ATXN7: variants seen among roughly 807,000 people sequenced by gnomAD.
ATXN7 encodes ataxin 7, also known as ataxin-7.
ATXN7 carries 12 observed loss-of-function variants against 70.5 expected under a neutral mutation model. The ratio of observed to expected loss-of-function variants is 0.17; its 90% CI spans 0.11 to 0.28. ATXN7 has a LOEUF of 0.28. ATXN7 is among the 10% of genes least tolerant of loss of function. The probability of loss-of-function intolerance (pLI) is 1.00; values close to 1 mark genes in which losing one functional copy is unlikely to be tolerated. For missense variants in ATXN7, 1,256 were observed against 1,131.7 expected (o/e 1.11, Z -1.58); for synonymous variants, 498 against 448.7 (o/e 1.11, Z -1.39).
chr3:63,999,716 T>A lies in ATXN7; in HGVS notation c.*249T>A. ...CGAATTGCTTTTATCAGTGTTAAAG[T>A]GGTCTGAACTGCTTGCTACCAATCT... On this transcript the variant is annotated 3_prime_UTR_variant, in exon 13 of 13. Coordinates refer to ENST00000674280, the MANE Select transcript of ATXN7 (RefSeq NM_001377405.1). 1 of 644,762 alleles carries A rather than the reference T, an allele frequency of 1.6e-6. No homozygotes were observed. The highest frequency in any genetic ancestry group is 2.7e-6 in the Non-Finnish European group (1 of 369,634). The allele number at this position is 644,762 out of a possible 1,614,324, so 39.9% of individuals were successfully genotyped here.
chr3:63,872,712 CAT>C (rs1389806858), intron 1 of ATXN7, among the ~76,000 whole-genome samples: 2 of 152,244 alleles, frequency 1.3e-5, no homozygotes, highest in African/African-American at 2.4e-5. Flanking sequence ...CAGCCATCAA[CAT>C]ATGTGCCAAC....
At chr3:63,886,367 A>G (rs1703086650) in intron 1 of ATXN7, among the ~76,000 whole-genome samples, 2 of 152,214 alleles carry the variant, frequency 1.3e-5, no homozygotes, top group Non-Finnish European at 2.9e-5. Flanking sequence ...ATAATACTGT[A>G]TACTTGAAAA....
At chr3:63,871,605 A>C (rs1176928708) in intron 1 of ATXN7, among the ~76,000 whole-genome samples, 7 of 152,184 alleles carry the variant, frequency 4.6e-5, no homozygotes, top group Non-Finnish European at 2.9e-5. Flanking sequence ...ATTAGGGCCT[A>C]TCCATGTAGT....
chr3:63,913,069 A>G, intron 3 of ATXN7, 88 bp from the exon 4 acceptor site: 9 of 1,458,178 alleles, frequency 6.2e-6, no homozygotes, highest in Non-Finnish European at 7.6e-6. Context: ...GGAGGTGCCC[A>G]CACCTACCCC....
intron 5 of ATXN7, among the ~76,000 whole-genome samples, chr3:63,968,177 A>C (rs1254721347): frequency 1.3e-5 from 2 of 152,034 alleles, no homozygotes; most frequent in African/African-American, 4.8e-5. Context: ...CAAGTAGTGG[A>C]GGGAGGGAGC....
At position 63,996,215 on chromosome 3, in the gene ATXN7, G is replaced by A; in HGVS notation, c.2393G>A (p.Ser798Asn). 6.2e-7 allele frequency: 1 copy of A among 1,614,218 alleles called. No individual in the cohort carries two copies. The highest frequency in any genetic ancestry group is 8.5e-7 in the Non-Finnish European group (1 of 1,180,046). The change falls in exon 12 of 13, where the codon AGT (serine) becomes AAT (asparagine). Residue 798 changes from serine to asparagine, a missense_variant. Ser to Asn is a conservative substitution (Grantham distance 46, BLOSUM62 1). Transcript: ENST00000674280. ...IKRMSVMVNSSDSTLSLGPFI... is the reference protein window; with the variant it reads ...IKRMSVMVNSNDSTLSLGPFI... ...AGGATGAGTGTGATGGTGAACAGCA[G>A]TGATTCTACTCTTTCTCTTGGGCCA... is the stretch of plus-strand genomic sequence containing the variant.
At chr3:63,879,487 GTTTTT>G (rs200065951) in intron 1 of ATXN7, among the ~76,000 whole-genome samples, 12 of 135,424 alleles carry the variant, frequency 8.9e-5, no homozygotes, top group Admixed American at 5.1e-4. Context: ...TATCTCTTCA[GTTTTT>G]TTTTTTTTTT....
upstream of ATXN7, chr3:63,863,422 G>T: frequency 2.7e-6 from 3 of 1,090,936 alleles, no homozygotes; most frequent in Non-Finnish European, 3.3e-6. Flanking sequence ...ACTCCCTCTG[G>T]TCCCACCCGC....
chr3:63,962,967 G>A (rs889695531), intron 5 of ATXN7, among the ~76,000 whole-genome samples: 2 of 147,426 alleles, frequency 1.4e-5, no homozygotes, highest in Admixed American at 6.8e-5. Context: ...CCAGGCTAGA[G>A]TGCAGTGGCG....
chr3:63,965,720 A>G (rs181868466), intron 5 of ATXN7, among the ~76,000 whole-genome samples: 94 of 152,320 alleles, frequency 6.2e-4, no homozygotes, highest in African/African-American at 2.1e-3. Flanking sequence ...TAGGATATCG[A>G]GAAACGGTTT....
At chr3:63,896,657 T>C (rs1278021501) in intron 1 of ATXN7, among the ~76,000 whole-genome samples, 7 of 152,184 alleles carry the variant, frequency 4.6e-5, no homozygotes, top group Non-Finnish European at 8.8e-5. Flanking sequence ...AAGCATGTAA[T>C]AGGTTTTTTC....
intron 4 of ATXN7, among the ~76,000 whole-genome samples, chr3:63,917,826 A>C (rs1254169183): frequency 6.6e-6 from 1 of 152,214 alleles, no homozygotes; most frequent in Non-Finnish European, 1.5e-5. Context: ...CTAGTGTGTG[A>C]TTCAAATGAC....
At chr3:63,879,132 C>A (rs560968925) in intron 1 of ATXN7, among the ~76,000 whole-genome samples, 1 of 152,258 alleles carries the variant, frequency 6.6e-6, no homozygotes, top group South Asian at 2.1e-4. Context: ...CTCCTGAAAT[C>A]CCAAAATAAA....
intron 1 of ATXN7, chr3:63,867,163 G>T (rs752519000): frequency 2.0e-5 from 3 of 152,126 alleles, no homozygotes; most frequent in Non-Finnish European, 4.4e-5. Context: ...CCAAGGGTTG[G>T]TTTCAAGGGA....
At position 63,913,238 on chromosome 3, in the gene ATXN7, C is replaced by A. The variant is rs760800679; in HGVS notation, c.394+13C>A. On this transcript the variant is annotated intron_variant, in intron 4 of 12. Coordinates refer to ENST00000674280, the MANE Select transcript of ATXN7 (RefSeq NM_001377405.1). ...CTCTGTCGGGAAGGTGAGTCCAGCCCCCCTGATGGAGTTTGTACAAACCCC... is the reference window on the plus strand; with the variant it reads ...CTCTGTCGGGAAGGTGAGTCCAGCCACCCTGATGGAGTTTGTACAAACCCC... 6.2e-7 allele frequency: 1 copy of A among 1,612,678 alleles called. No individual in the cohort carries two copies. Among genetic ancestry groups the A allele is most frequent in the Non-Finnish European group, 8.5e-7 (1 of 1,178,998 alleles).
intron 1 of ATXN7, among the ~76,000 whole-genome samples, chr3:63,868,495 A>G (rs1702500881): frequency 6.6e-6 from 1 of 152,234 alleles, no homozygotes; most frequent in Admixed American, 6.5e-5. Flanking sequence ...GTATAGGATA[A>G]TAAGTACATT....
At chr3:63,966,082 C>T (rs1216677283) in intron 5 of ATXN7, among the ~76,000 whole-genome samples, 1 of 152,160 alleles carries the variant, frequency 6.6e-6, no homozygotes, top group Non-Finnish European at 1.5e-5. Flanking sequence ...TTGGCTGACT[C>T]TCATAACGAT....
Position 63,999,490 on chromosome 3 carries a change from GAAT to G in ATXN7, c.*27_*29del. On this transcript the variant is annotated 3_prime_UTR_variant, in exon 13 of 13. Transcript: ENST00000674280. ...TGACAGCTGAAAATAGCACGGGGAG[GAAT>G]AATGCGGACACTTTTGAGGACAAGT... The G allele has an allele frequency of 6.2e-7, 1 of 1,613,562 alleles. No individual in the cohort carries two copies. Among genetic ancestry groups the G allele is most frequent in the Non-Finnish European group, 8.5e-7 (1 of 1,179,870 alleles).
Position 63,920,252 on chromosome 3 carries a change from T to G in ATXN7, c.394+7027T>G, listed in dbSNP as rs184985158. On this transcript the variant is annotated intron_variant, in intron 4 of 12. Coordinates refer to ENST00000674280, the MANE Select transcript of ATXN7 (RefSeq NM_001377405.1). ...ATGGGGTTCCCAAGCTGTGTCCAATTTACAGTTTTGATTGGTTCTTGTAAA... is the reference window on the plus strand; with the variant it reads ...ATGGGGTTCCCAAGCTGTGTCCAATGTACAGTTTTGATTGGTTCTTGTAAA... Among the ~76,000 whole-genome samples the G allele has an allele frequency of 3.3e-4, 50 of 152,234 alleles. No homozygotes were observed. The East Asian group carries it at 9.5e-3, about 29-fold the overall frequency.
Sources: allele counts gnomAD v4.1 joint callset (sites outside exome capture counted in the v4.1 genomes callset), GRCh38; gene constraint gnomAD v4.1.1; transcripts MANE v1.5; gene names NCBI Gene and HGNC (gene_info 2026-07-23, HGNC 2026-07-21).